Variants in NCOA2 observed in about 807,000 individuals in gnomAD.
NCOA2 encodes the protein class E basic helix-loop-helix protein 75.
A neutral mutation model predicts 145.1 loss-of-function variants in NCOA2; 21 were observed. The observed-to-expected ratio is 0.14, with a 90% CI of 0.10 to 0.21. The LOEUF is 0.21. NCOA2 is among the 10% of genes least tolerant of loss of function. The probability of loss-of-function intolerance (pLI) is 1.00; values close to 1 mark genes in which losing one functional copy is unlikely to be tolerated. For synonymous variants in NCOA2, 619 were observed against 637.5 expected (o/e 0.97, Z 0.44); for missense variants, 1,472 against 1,837.6 (o/e 0.80, Z 3.64).
Position 70,162,825 on chromosome 8 carries a change from T to A in NCOA2, c.862A>T (p.Met288Leu), listed in dbSNP as rs367850662. The part of the protein sequence containing the change: ...GKITSLDTST[M>L]RAAMKPGWED... ...CAGCCTGGTTTCATGGCTGCTCTCA[T>A]GGTGCTGGTATCCAGAGACGTGATC... Residue 288 changes from methionine to leucine, a missense_variant, in exon 9 of 23, where the codon ATG becomes TTG. Met to Leu is a conservative substitution (Grantham distance 15, BLOSUM62 2). Coordinates refer to ENST00000452400, the MANE Select transcript of NCOA2 (RefSeq NM_006540.4). The A allele has an allele frequency of 1.2e-5, 19 of 1,613,788 alleles. No individual in the cohort carries two copies. Among genetic ancestry groups the A allele is most frequent in the Non-Finnish European group, 1.5e-5 (18 of 1,179,856 alleles).
At chr8:70,265,318 G>T (rs1327231829) in intron 2 of NCOA2, among the ~76,000 whole-genome samples, 1 of 152,134 alleles carries the variant, frequency 6.6e-6, no homozygotes, top group African/African-American at 2.4e-5. Flanking sequence ...CTCTCACTGG[G>T]ATCCATGCTG....
chr8:70,311,475 C>G (rs139213757), intron 1 of NCOA2, among the ~76,000 whole-genome samples: 9 of 152,048 alleles, frequency 5.9e-5, no homozygotes, highest in Non-Finnish European at 1.0e-4. Context: ...TGCTAAAAAG[C>G]AACTTATTAA....
At chr8:70,427,943 A>T in the NCOA2 span, among the ~76,000 whole-genome samples, 1 of 152,180 alleles carries the variant, frequency 6.6e-6, no homozygotes, top group African/African-American at 2.4e-5. Context: ...TGTCACAATT[A>T]TATGCCACAA....
chr8:70,125,305 A>C (rs1053217192), intron 19 of NCOA2, among the ~76,000 whole-genome samples: 1 of 152,194 alleles, frequency 6.6e-6, no homozygotes, highest in African/African-American at 2.4e-5. Flanking sequence ...TCTGTTGCCC[A>C]GGCTGGAGTA....
At chr8:70,437,843 T>C in the NCOA2 span, among the ~76,000 whole-genome samples, 6 of 152,228 alleles carry the variant, frequency 3.9e-5, no homozygotes, top group African/African-American at 1.2e-4. Context: ...ATGGATATTG[T>C]ATTATACATA....
At chr8:70,303,950 T>C (rs900056672) in intron 1 of NCOA2, among the ~76,000 whole-genome samples, 2 of 152,116 alleles carry the variant, frequency 1.3e-5, no homozygotes, top group African/African-American at 4.8e-5. Context: ...AAGTAGAATT[T>C]TTATTGTTTT....
At chr8:70,159,242 A>ATATATATATATATATATATT in intron 10 of NCOA2, among the ~76,000 whole-genome samples, 2 of 61,076 alleles carry the variant, frequency 3.3e-5, no homozygotes, top group African/African-American at 1.1e-4. Context: ...ATATATATAT[A>ATATATATATATATATATATT]TTTTTTTTTT....
At chr8:70,274,475 AG>A (rs1457744521) in intron 2 of NCOA2, among the ~76,000 whole-genome samples, 2 of 152,202 alleles carry the variant, frequency 1.3e-5, no homozygotes, top group Non-Finnish European at 2.9e-5. Context: ...CTTTTTAAGT[AG>A]GGTCAAAAAT....
the NCOA2 span, among the ~76,000 whole-genome samples, chr8:70,442,187 T>C: frequency 4.4e-3 from 430 of 98,572 alleles, 3 homozygotes; most frequent in Non-Finnish European, 5.3e-4. Context: ...CTCAGGTCTT[T>C]AGGCCGATGA....
chr8:70,129,415 G>A (rs1808825797), intron 16 of NCOA2, among the ~76,000 whole-genome samples: 2 of 152,150 alleles, frequency 1.3e-5, no homozygotes, highest in Admixed American at 6.5e-5. Context: ...GCAGTGTGGG[G>A]TACTGACCAT....
At chr8:70,372,891 T>C (rs1811345431) in intron 1 of NCOA2, among the ~76,000 whole-genome samples, 1 of 152,238 alleles carries the variant, frequency 6.6e-6, no homozygotes, top group Non-Finnish European at 1.5e-5. Flanking sequence ...CTGGCTTCTT[T>C]ATTTAGCATA....
chr8:70,214,786 T>C lies in NCOA2; in HGVS notation c.87-711A>G, dbSNP rs73684225. ...AATCTTCCATTAGAATGTGACAAAA[T>C]AGTAAACTGAAAAGTTCCTTTTCAT... On this transcript the variant is annotated intron_variant, in intron 3 of 22. Coordinates refer to ENST00000452400, the MANE Select transcript of NCOA2 (RefSeq NM_006540.4). Among the ~76,000 whole-genome samples, 566 of 152,156 alleles carry C rather than the reference T, an allele frequency of 3.7e-3. 5 individuals carry two copies. The highest frequency in any genetic ancestry group is 0.013 in the African/African-American group (549 of 41,520).
chr8:70,335,514 TCA>T (rs1264205270), intron 1 of NCOA2, among the ~76,000 whole-genome samples: 9 of 152,204 alleles, frequency 5.9e-5, no homozygotes, highest in Non-Finnish European at 2.9e-5. Context: ...TTAAGCACAT[TCA>T]CACTGTTGTG....
chr8:70,448,813 T>G, the NCOA2 span, among the ~76,000 whole-genome samples: 4 of 152,100 alleles, frequency 2.6e-5, no homozygotes, highest in African/African-American at 7.2e-5. Flanking sequence ...GGCTTTTTTT[T>G]TTTTTTTAAG....
intron 1 of NCOA2, among the ~76,000 whole-genome samples, chr8:70,342,023 T>C (rs560035235): frequency 6.6e-6 from 1 of 152,296 alleles, no homozygotes; most frequent in Admixed American, 6.5e-5. Context: ...TTTAAACTTT[T>C]AAAAAATGCT....
Position 70,141,354 on chromosome 8 carries a change from T to A in NCOA2, c.2858A>T (p.Glu953Val). ...CACAGCCGAACTCTGCGGTGCCCAT[T>A]CTCCAGATGGCATAGTAGGCCGAGA... ...SASRPTMPSG[E>V]WAPQSSAVRV... Residue 953 changes from glutamate to valine, a missense_variant, in exon 14 of 23, where the codon GAA becomes GTA. Physicochemically the swap from Glu to Val is moderately radical, Grantham distance 121 (BLOSUM62 -2). Coordinates refer to ENST00000452400, the MANE Select transcript of NCOA2 (RefSeq NM_006540.4). 6.2e-7 allele frequency: 1 copy of A among 1,613,796 alleles called. No individual in the cohort carries two copies. The highest frequency in any genetic ancestry group is 8.5e-7 in the Non-Finnish European group (1 of 1,179,852).
At chr8:70,431,847 T>A in the NCOA2 span, among the ~76,000 whole-genome samples, 3 of 152,246 alleles carry the variant, frequency 2.0e-5, no homozygotes, top group African/African-American at 7.2e-5. Context: ...CAACCTAATT[T>A]GACAATTTAC....
At chr8:70,288,360 CCT>C (rs765758472) in intron 2 of NCOA2, among the ~76,000 whole-genome samples, 4 of 152,018 alleles carry the variant, frequency 2.6e-5, no homozygotes, top group Non-Finnish European at 5.9e-5. Context: ...GGGCAGATCC[CCT>C]GAGGTTAGGA....
chr8:70,281,872 A>G (rs1379742529), intron 2 of NCOA2, among the ~76,000 whole-genome samples: 1 of 152,232 alleles, frequency 6.6e-6, no homozygotes, highest in Non-Finnish European at 1.5e-5. Flanking sequence ...TTACCCCACT[A>G]TCACCACCAA....
Sources: allele counts gnomAD v4.1 joint callset (sites outside exome capture counted in the v4.1 genomes callset), GRCh38; gene constraint gnomAD v4.1.1; transcripts MANE v1.5; gene names NCBI Gene and HGNC (gene_info 2026-07-23, HGNC 2026-07-21).